Variants in LRRC15 observed in about 807,000 individuals in gnomAD.
LRRC15 encodes the protein leucine-rich repeat-containing protein 15.
LRRC15 carries 5 observed loss-of-function variants against 4.3 expected under a neutral mutation model. The observed-to-expected ratio is 1.16, with a 90% CI of 0.61 to 2.44. The LOEUF is 2.44. Among genes scored for constraint, LRRC15 ranks in the 30% most tolerant of loss-of-function variants. LRRC15 has a pLI of 0.01. For missense variants in LRRC15, 769 were observed against 747.0 expected, an observed-to-expected ratio of 1.03 and a Z score of -0.34; for synonymous variants, 337 against 323.2, an observed-to-expected ratio of 1.04 and a Z score of -0.46.
intron 1 of LRRC15, among the ~76,000 whole-genome samples, chr3:194,363,975 G>T (rs1713708248): frequency 6.6e-6 from 1 of 152,186 alleles, no homozygotes; most frequent in African/African-American, 2.4e-5. Context: ...GCTCAGTGTG[G>T]CTTCAGAGGT....
intron 1 of LRRC15, among the ~76,000 whole-genome samples, chr3:194,362,136 GTA>G (rs1553787675): frequency 1.0e-3 from 152 of 146,948 alleles, no homozygotes; most frequent in African/African-American, 3.7e-3. Context: ...CTGTGTGTGT[GTA>G]TGTGTGTGTG....
chr3:194,365,400 C>A (rs1713748591), intron 1 of LRRC15, among the ~76,000 whole-genome samples: 1 of 152,166 alleles, frequency 6.6e-6, no homozygotes, highest in Non-Finnish European at 1.5e-5. Context: ...TGGGTTGGGA[C>A]GTTTTTGGTT....
At position 194,358,000 on chromosome 3, in the gene LRRC15, CT is replaced by C. The variant is rs1430450322; in HGVS notation, c.*1297del. The C allele has an allele frequency of 5.3e-5, 8 of 152,308 alleles. No individual in the cohort carries two copies. The East Asian group carries it at 1.5e-3, about 29-fold the overall frequency. 9.4% of individuals were successfully genotyped at this position (152,308 alleles called of 1,614,324 possible). A position where few individuals can be genotyped will look rare whatever the true frequency, so the allele number is the denominator to read the frequency against. Reference sequence around the variant, plus strand: ...TGCACGGACCTCTGCAGTCAGGATGCTTCTGACCTGGCCAGCCATGGTGCCC... The same window carrying C: ...TGCACGGACCTCTGCAGTCAGGATGCTCTGACCTGGCCAGCCATGGTGCCC... On this transcript the variant is annotated 3_prime_UTR_variant, in exon 2 of 2. Transcript: ENST00000347624.
At position 194,360,847 on chromosome 3, in the gene LRRC15, G is replaced by A; in HGVS notation, c.197C>T (p.Thr66Ile). ...MSLQILNTHITELNESPFLNI... is the reference protein window; with the variant it reads ...MSLQILNTHIIELNESPFLNI... ...GAGGAACGGGGACTCATTGAGTTCAGTGATGTGCGTGTTGAGGATCTGCAG... is the reference window on the plus strand; with the variant it reads ...GAGGAACGGGGACTCATTGAGTTCAATGATGTGCGTGTTGAGGATCTGCAG... The change falls in exon 2 of 2, where the codon ACT (threonine) becomes ATT (isoleucine). Residue 66 changes from threonine (T) to isoleucine (I), a missense_variant. By Grantham distance (89) the Thr-to-Ile change is moderately conservative. Transcript: ENST00000347624. 6.2e-7 allele frequency: 1 copy of A among 1,612,548 alleles called. No homozygotes were observed. Among genetic ancestry groups the A allele is most frequent in the Non-Finnish European group, 8.5e-7 (1 of 1,178,856 alleles).
rs1713418425 is a variant in LRRC15 at position 194,356,117 on chromosome 3, G to C, written c.*3181C>G. 2 of 152,200 alleles carry C rather than the reference G, an allele frequency of 1.3e-5. No homozygotes were observed. The highest frequency in any genetic ancestry group is 1.5e-5 in the Non-Finnish European group (1 of 68,046). 9.4% of individuals were successfully genotyped at this position (152,200 alleles called of 1,614,324 possible). ...AGATAAATAAAACTCCCAGCCTATT[G>C]AACACCATGCAGAAGAGCAAGTGCC... is the stretch of plus-strand genomic sequence containing the variant. On this transcript the variant is annotated 3_prime_UTR_variant, in exon 2 of 2. Coordinates refer to ENST00000347624, the MANE Select transcript of LRRC15 (RefSeq NM_130830.5).
At chr3:194,365,310 G>A (rs771387161) in intron 1 of LRRC15, among the ~76,000 whole-genome samples, 34 of 151,880 alleles carry the variant, frequency 2.2e-4, no homozygotes, top group African/African-American at 3.1e-4. Context: ...CAGGGCTCTC[G>A]GCTTTGGGTC....
chr3:194,367,836 C>G (rs545276970), intron 1 of LRRC15, among the ~76,000 whole-genome samples: 2 of 152,380 alleles, frequency 1.3e-5, no homozygotes, highest in Non-Finnish European at 2.9e-5. Context: ...CAACATGTTG[C>G]TTATTGTTTG....
chr3:194,367,977 C>A (rs973891107), intron 1 of LRRC15, among the ~76,000 whole-genome samples: 3 of 152,226 alleles, frequency 2.0e-5, no homozygotes, highest in African/African-American at 7.2e-5. Flanking sequence ...GAGAAACTGA[C>A]AAACCGCCCA....
At chr3:194,364,409 C>T (rs1192600932) in intron 1 of LRRC15, among the ~76,000 whole-genome samples, 3 of 152,178 alleles carry the variant, frequency 2.0e-5, no homozygotes, top group Non-Finnish European at 2.9e-5. Context: ...TTAATGTACA[C>T]TCATATACCC....
chr3:194,360,108 G>C lies in LRRC15; in HGVS notation c.936C>G (p.Val312=), dbSNP rs749867103. 6.2e-7 allele frequency: 1 copy of C among 1,614,130 alleles called. No homozygotes were observed. Among genetic ancestry groups the C allele is most frequent in the African/African-American group, 1.3e-5 (1 of 74,934 alleles). The change falls in exon 2 of 2, where the codon GTC becomes GTG. Residue 312 remains valine, a synonymous_variant. Coordinates refer to ENST00000347624, the MANE Select transcript of LRRC15 (RefSeq NM_130830.5). ...CCTGCAACTGGCGGAGGTTGCTGAA[G>C]ACATTGTCGGGTAGAGAAGAGATGT... ...DNHISSLPDN[V]FSNLRQLQVL... is the part of the protein sequence containing the mutation.
chr3:194,361,523 A>G (rs1451322594), intron 1 of LRRC15, among the ~76,000 whole-genome samples: 2 of 152,192 alleles, frequency 1.3e-5, no homozygotes, highest in Non-Finnish European at 2.9e-5. Flanking sequence ...CGGGAACTGT[A>G]TCTTATCCAT....
At chr3:194,362,148 G>A (rs553174332) in intron 1 of LRRC15, among the ~76,000 whole-genome samples, 282 of 142,468 alleles carry the variant, frequency 2.0e-3, no homozygotes, top group Middle Eastern at 7.4e-3. Context: ...ATGTGTGTGT[G>A]TGTGTGTGTA....
Position 194,360,466 on chromosome 3 carries a change from A to C in LRRC15, c.578T>G (p.Phe193Cys). Residue 193 changes from phenylalanine (F) to cysteine (C), a missense_variant, in exon 2 of 2, where the codon TTC (phenylalanine) becomes TGC (cysteine). By Grantham distance (205) the Phe-to-Cys change is radical. Transcript: ENST00000347624. ...NSLTHISPRV[F>C]QHLGNLQVLR... ...GACCTGGAGGTTGCCCAGGTGCTGG[A>C]AGACCCTGGGTGAGATGTGGGTGAG... 2 of 1,614,118 alleles carry C rather than the reference A, an allele frequency of 1.2e-6. No individual in the cohort carries two copies. Among genetic ancestry groups the C allele is most frequent in the Non-Finnish European group, 1.7e-6 (2 of 1,180,000 alleles).
chr3:194,361,006 C>T lies in LRRC15; in HGVS notation c.38G>A (p.Cys13Tyr), dbSNP rs780505499. ...LKHYLLLLVG[C>Y]QAWGAGLAYH... ...GGCCAACCCTGCACCCCAGGCTTGG[C>T]AGCCCACCAGCAAAAGGAGATAATG... The change falls in exon 2 of 2, where the codon TGC becomes TAC. Residue 13 changes from cysteine to tyrosine, a missense_variant. Cys to Tyr is a radical substitution (Grantham distance 194, BLOSUM62 -2). Coordinates refer to ENST00000347624, the MANE Select transcript of LRRC15 (RefSeq NM_130830.5). 1.3e-6 allele frequency: 2 copies of T among 1,521,956 alleles called. No homozygotes were observed. Among genetic ancestry groups the T allele is most frequent in the Admixed American group, 4.1e-5 (2 of 48,734 alleles). 94.3% of individuals were successfully genotyped at this position (1,521,956 alleles called of 1,614,324 possible).
Position 194,355,747 on chromosome 3 carries a change from C to T in LRRC15, c.*3551G>A, listed in dbSNP as rs1157625998. 1 of 152,218 alleles carries T rather than the reference C, an allele frequency of 6.6e-6. No homozygotes were observed. The highest frequency in any genetic ancestry group is 1.5e-5 in the Non-Finnish European group (1 of 68,048). The allele number at this position is 152,218 out of a possible 1,614,324, so 9.4% of individuals were successfully genotyped here. A position where few individuals can be genotyped will look rare whatever the true frequency, so the allele number is the denominator to read the frequency against. On this transcript the variant is annotated 3_prime_UTR_variant, in exon 2 of 2. Coordinates refer to ENST00000347624, the MANE Select transcript of LRRC15 (RefSeq NM_130830.5). ...CTAGCTGTCTGCTCTCTGCAAACTTCCTGAGTTTGGAAGTTCTTTCCCAAT... is the reference window on the plus strand; with the variant it reads ...CTAGCTGTCTGCTCTCTGCAAACTTTCTGAGTTTGGAAGTTCTTTCCCAAT...
At chr3:194,366,473 C>T (rs1475216143) in intron 1 of LRRC15, among the ~76,000 whole-genome samples, 3 of 152,170 alleles carry the variant, frequency 2.0e-5, no homozygotes, top group African/African-American at 7.2e-5. Context: ...ACAAACTTCC[C>T]AAGTGACTCC....
rs1394313701 is a variant in LRRC15, at chr3:194,358,293, G to A, written c.*1005C>T. On this transcript the variant is annotated 3_prime_UTR_variant, in exon 2 of 2. Transcript: ENST00000347624. ...CTGGGTCTAGATGCTGATTACACAGGTATGTTCAGTTTGTGAAAATCCACC... is the reference window on the plus strand; with the variant it reads ...CTGGGTCTAGATGCTGATTACACAGATATGTTCAGTTTGTGAAAATCCACC... The A allele has an allele frequency of 6.6e-6, 1 of 152,180 alleles. No homozygotes were observed. The allele number at this position is 152,180 out of a possible 1,614,324, so 9.4% of individuals were successfully genotyped here.
At chr3:194,367,400 G>T (rs1560048407) in intron 1 of LRRC15, among the ~76,000 whole-genome samples, 1 of 151,960 alleles carries the variant, frequency 6.6e-6, no homozygotes, top group African/African-American at 2.4e-5. Flanking sequence ...TCTGCCTCCC[G>T]GGTTCACACC....
Position 194,355,332 on chromosome 3 carries a change from C to G in LRRC15, c.*3966G>C, listed in dbSNP as rs1713395092. On this transcript the variant is annotated 3_prime_UTR_variant, in exon 2 of 2. Transcript: ENST00000347624. ...GCAGAAGACAGACCCCCCAACCCTG[C>G]CCACCAGGGCTCACACTCTACAAAA... 6.6e-6 allele frequency: 1 copy of G among 152,388 alleles called. No individual in the cohort carries two copies. Among genetic ancestry groups the G allele is most frequent in the Non-Finnish European group, 1.5e-5 (1 of 68,082 alleles). 9.4% of individuals were successfully genotyped at this position (152,388 alleles called of 1,614,324 possible). A position where few individuals can be genotyped will look rare whatever the true frequency, so the allele number is the denominator to read the frequency against.
Sources: allele counts gnomAD v4.1 joint callset (sites outside exome capture counted in the v4.1 genomes callset), GRCh38; gene constraint gnomAD v4.1.1; transcripts MANE v1.5; gene names NCBI Gene and HGNC (gene_info 2026-07-23, HGNC 2026-07-21).